The following TEAD1 variants were observed in gnomAD, a reference collection of about 807,000 sequenced individuals.
TEAD1 encodes the protein TEA domain transcription factor 1.
TEAD1 carries 9 observed loss-of-function variants against 54.9 expected under a neutral mutation model. That is an observed-to-expected ratio of 0.16 (90% CI 0.10 to 0.29). The LOEUF is 0.29. TEAD1 is among the 10% of genes least tolerant of loss of function. The pLI, the probability that TEAD1 is intolerant of heterozygous loss-of-function variation, is 1.00. For missense variants in TEAD1, 387 were observed against 535.9 expected (o/e 0.72, Z 2.74); for synonymous variants, 200 against 187.8 (o/e 1.07, Z -0.53).
chr11:12,844,021 A>G (rs73427617), intron 3 of TEAD1, among the ~76,000 whole-genome samples: 5,313 of 152,310 alleles, frequency 0.035, 340 homozygotes, highest in African/African-American at 0.12. Flanking sequence ...TCTTATAGCT[A>G]AATTATTCAA....
intron 3 of TEAD1, among the ~76,000 whole-genome samples, chr11:12,811,774 G>A (rs1946305658): frequency 6.6e-6 from 1 of 151,254 alleles, no homozygotes; most frequent in Admixed American, 6.6e-5. Flanking sequence ...CAGTGGAGTG[G>A]CCCCGAATCC....
At chr11:12,706,379 A>G (rs1391489244) in intron 2 of TEAD1, among the ~76,000 whole-genome samples, 2 of 152,208 alleles carry the variant, frequency 1.3e-5, no homozygotes, top group Non-Finnish European at 2.9e-5. Context: ...GTGAAAGGTT[A>G]AATAGGTACC....
At chr11:12,708,295 A>G (rs1943862253) in intron 2 of TEAD1, among the ~76,000 whole-genome samples, 1 of 151,850 alleles carries the variant, frequency 6.6e-6, no homozygotes, top group Admixed American at 6.6e-5. Flanking sequence ...GCAATTGTGT[A>G]TGCCTGCAGT....
intron 3 of TEAD1, among the ~76,000 whole-genome samples, chr11:12,821,847 C>T (rs182939869): frequency 3.3e-5 from 5 of 151,850 alleles, no homozygotes; most frequent in Admixed American, 1.3e-4. Flanking sequence ...CATGTCAGCT[C>T]GTTCTCTCAC....
chr11:12,732,194 A>G (rs1029772900), intron 2 of TEAD1, among the ~76,000 whole-genome samples: 2 of 152,106 alleles, frequency 1.3e-5, no homozygotes, highest in African/African-American at 4.8e-5. Context: ...AATAGACTCT[A>G]TCATCCTTCA....
At chr11:12,927,479 C>A (rs1948924144) in intron 11 of TEAD1, among the ~76,000 whole-genome samples, 1 of 152,096 alleles carries the variant, frequency 6.6e-6, no homozygotes, top group African/African-American at 2.4e-5. Context: ...TTTGATGAGG[C>A]GAGTCAGGCT....
At chr11:12,713,667 T>A (rs1590075758) in intron 2 of TEAD1, among the ~76,000 whole-genome samples, 1 of 152,116 alleles carries the variant, frequency 6.6e-6, no homozygotes, top group Admixed American at 6.5e-5. Flanking sequence ...AAAATGGCTG[T>A]GTAATAAAGC....
chr11:12,733,985 T>C (rs1944474735), intron 2 of TEAD1, among the ~76,000 whole-genome samples: 1 of 152,212 alleles, frequency 6.6e-6, no homozygotes, highest in South Asian at 2.1e-4. Flanking sequence ...GATCATGTGA[T>C]AATAGCTTAT....
rs761607137 is a variant in TEAD1 at position 12,862,329 on chromosome 11, C to T, written c.267+15C>T. 3 of 1,612,978 alleles carry T rather than the reference C, an allele frequency of 1.9e-6. No homozygotes were observed. The highest frequency in any genetic ancestry group is 2.2e-5 in the South Asian group (2 of 91,050). ...CCAGAAAACAGGTAAAATAACCCAC[C>T]TGGAAATTGTGCATGTCAGCGAATG... is the stretch of plus-strand genomic sequence containing the variant. On this transcript the variant is annotated intron_variant, in intron 4 of 12. Coordinates refer to ENST00000527636, the MANE Select transcript of TEAD1 (RefSeq NM_021961.6).
chr11:12,873,733 A>G (rs1483987262), intron 5 of TEAD1, among the ~76,000 whole-genome samples: 3 of 152,212 alleles, frequency 2.0e-5, no homozygotes, highest in Admixed American at 2.0e-4. Flanking sequence ...AGTGCCCTCC[A>G]TCCTTTTTCC....
intron 3 of TEAD1, among the ~76,000 whole-genome samples, chr11:12,856,460 G>A (rs922115010): frequency 1.3e-5 from 2 of 152,156 alleles, no homozygotes; most frequent in Non-Finnish European, 2.9e-5. Context: ...TGAGGCCTTG[G>A]GAAGGTAGGC....
intron 3 of TEAD1, among the ~76,000 whole-genome samples, chr11:12,841,042 T>TA (rs1947028983): frequency 6.6e-6 from 1 of 152,186 alleles, no homozygotes; most frequent in South Asian, 2.1e-4. Context: ...AACATGAAAA[T>TA]ACGCTAAGGG....
intron 5 of TEAD1, among the ~76,000 whole-genome samples, chr11:12,879,141 AC>A (rs1332442925): frequency 1.3e-5 from 2 of 151,808 alleles, no homozygotes; most frequent in South Asian, 2.1e-4. Context: ...TGGCCCTGTT[AC>A]CCCCAACCCC....
chr11:12,813,217 C>T (rs1946343244), intron 3 of TEAD1, among the ~76,000 whole-genome samples: 1 of 152,150 alleles, frequency 6.6e-6, no homozygotes, highest in Non-Finnish European at 1.5e-5. Flanking sequence ...AAGCAGCTTC[C>T]ACCACTTTGG....
At chr11:12,906,920 C>G (rs1948531356) in intron 10 of TEAD1, among the ~76,000 whole-genome samples, 2 of 152,322 alleles carry the variant, frequency 1.3e-5, no homozygotes, top group African/African-American at 4.8e-5. Flanking sequence ...GCATGTGGAT[C>G]ATTTCCACTT....
intron 10 of TEAD1, among the ~76,000 whole-genome samples, chr11:12,918,871 C>CA (rs1170667266): frequency 2.0e-5 from 3 of 152,118 alleles, no homozygotes; most frequent in Non-Finnish European, 4.4e-5. Flanking sequence ...GCTGAGTAAA[C>CA]AAAACTAAAC....
chr11:12,782,529 T>C (rs1262685576), intron 3 of TEAD1, among the ~76,000 whole-genome samples: 1 of 152,190 alleles, frequency 6.6e-6, no homozygotes, highest in African/African-American at 2.4e-5. Context: ...TCTGGGGTGA[T>C]TAAGATGTTC....
chr11:12,935,907 A>G (rs1220758984), intron 12 of TEAD1, among the ~76,000 whole-genome samples: 2 of 152,190 alleles, frequency 1.3e-5, no homozygotes, highest in Non-Finnish European at 2.9e-5. Flanking sequence ...TACCAACTGT[A>G]TAGCATGCTG....
intron 4 of TEAD1, 66 bp from the exon 5 acceptor site, chr11:12,864,772 A>G: frequency 6.2e-7 from 1 of 1,613,212 alleles, no homozygotes; most frequent in Admixed American, 1.7e-5. Context: ...GCCCACTTGT[A>G]GGGGGCTTTT....
Sources: gnomAD v4.1 joint callset for allele counts (sites outside exome capture counted in the v4.1 genomes callset) on GRCh38, gnomAD v4.1.1 for gene constraint, MANE v1.5 for transcripts, NCBI Gene and HGNC (gene_info 2026-07-23, HGNC 2026-07-21) for gene names.